LRRTM4: variants seen among roughly 807,000 people sequenced by gnomAD.
The protein encoded by LRRTM4 is leucine rich repeat transmembrane neuronal 4, also known as leucine-rich repeat transmembrane neuronal protein 4.
In LRRTM4, 25 loss-of-function variants were observed where a neutral mutation model predicts 47.6. That is an observed-to-expected ratio of 0.53 (90% CI 0.38 to 0.73). The LOEUF is 0.73. Ranked by LOEUF, LRRTM4 falls within the 30% of genes least tolerant of loss-of-function variation. The pLI, the probability that LRRTM4 is intolerant of heterozygous loss-of-function variation, is 0.00. For synonymous variants in LRRTM4, 311 were observed against 269.5 expected, an observed-to-expected ratio of 1.15 and a Z score of -1.51; for missense variants, 638 against 713.4, an observed-to-expected ratio of 0.89 and a Z score of 1.20.
chr2:76,775,095 C>G (rs1345397929), intron 3 of LRRTM4, among the ~76,000 whole-genome samples: 1 of 152,152 alleles, frequency 6.6e-6, no homozygotes, highest in Non-Finnish European at 1.5e-5. Flanking sequence ...TATCCATTAT[C>G]TCTTCATGAT....
intron 3 of LRRTM4, among the ~76,000 whole-genome samples, chr2:77,400,060 C>G (rs1673881493): frequency 1.3e-5 from 2 of 151,838 alleles, no homozygotes; most frequent in South Asian, 4.1e-4. Context: ...ACGCTCCCCT[C>G]CACCTCACCA....
At chr2:76,924,252 A>G (rs1466883842) in intron 3 of LRRTM4, among the ~76,000 whole-genome samples, 2 of 152,130 alleles carry the variant, frequency 1.3e-5, no homozygotes, top group Admixed American at 1.3e-4. Context: ...CATAATCATG[A>G]GACTGGAACT....
At chr2:77,163,176 C>T (rs2103813895) in intron 3 of LRRTM4, among the ~76,000 whole-genome samples, 1 of 152,118 alleles carries the variant, frequency 6.6e-6, no homozygotes, top group African/African-American at 2.4e-5. Flanking sequence ...AACTATGTGA[C>T]ACATGCACAA....
At chr2:76,955,247 G>T (rs1477931959) in intron 3 of LRRTM4, among the ~76,000 whole-genome samples, 9 of 151,614 alleles carry the variant, frequency 5.9e-5, no homozygotes, top group Non-Finnish European at 1.2e-4. Context: ...TAACAAAAAA[G>T]TATAAAAATA....
intron 3 of LRRTM4, among the ~76,000 whole-genome samples, chr2:76,918,004 T>C (rs1002571967): frequency 5.3e-5 from 8 of 152,120 alleles, no homozygotes; most frequent in African/African-American, 1.9e-4. Context: ...CAGGCAAAAA[T>C]ATGTCACCCT....
chr2:76,872,158 C>T (rs553713450), intron 3 of LRRTM4, among the ~76,000 whole-genome samples: 13 of 152,234 alleles, frequency 8.5e-5, no homozygotes, highest in Non-Finnish European at 1.9e-4. Context: ...ATTAAAACAG[C>T]AGTGCATAAT....
chr2:76,839,486 T>G (rs539015664), intron 3 of LRRTM4, among the ~76,000 whole-genome samples: 1 of 152,276 alleles, frequency 6.6e-6, no homozygotes, highest in East Asian at 1.9e-4. Flanking sequence ...GCAATATCTT[T>G]TCTTTGTAGC....
chr2:77,207,372 T>TATAC (rs59335400), intron 3 of LRRTM4, among the ~76,000 whole-genome samples: 93 of 131,108 alleles, frequency 7.1e-4, no homozygotes, highest in Admixed American at 2.1e-3. Flanking sequence ...TATATATATA[T>TATAC]ACACACACAC....
intron 3 of LRRTM4, among the ~76,000 whole-genome samples, chr2:77,191,545 A>C (rs932221695): frequency 4.6e-5 from 7 of 151,872 alleles, no homozygotes; most frequent in Non-Finnish European, 4.4e-5. Context: ...AAAAGTCACT[A>C]ATACCAATTA....
At chr2:77,065,385 A>G in intron 3 of LRRTM4, among the ~76,000 whole-genome samples, 1 of 152,188 alleles carries the variant, frequency 6.6e-6, no homozygotes, top group Non-Finnish European at 1.5e-5. Flanking sequence ...TGAAAATTAT[A>G]TTTAAAGTGC....
intron 3 of LRRTM4, among the ~76,000 whole-genome samples, chr2:77,476,038 T>C (rs770565685): frequency 6.6e-6 from 1 of 152,034 alleles, no homozygotes; most frequent in Non-Finnish European, 1.5e-5. Context: ...AAAAAATTAA[T>C]TAGTATATTT....
chr2:77,338,545 C>T (rs1362464178), intron 3 of LRRTM4, among the ~76,000 whole-genome samples: 2 of 151,926 alleles, frequency 1.3e-5, no homozygotes, highest in Non-Finnish European at 2.9e-5. Context: ...AACGAGATAT[C>T]ATCTCATACC....
intron 3 of LRRTM4, among the ~76,000 whole-genome samples, chr2:77,467,737 T>C (rs1279118052): frequency 6.6e-6 from 1 of 152,228 alleles, no homozygotes; most frequent in Non-Finnish European, 1.5e-5. Flanking sequence ...TTAAAAATCA[T>C]ACATTTATAA....
intron 3 of LRRTM4, among the ~76,000 whole-genome samples, chr2:77,327,014 G>A (rs914920570): frequency 2.0e-5 from 3 of 152,138 alleles, no homozygotes; most frequent in Admixed American, 6.5e-5. Flanking sequence ...AAGGTTGTGG[G>A]CAAAAGGATG....
At chr2:76,930,338 G>GCA (rs145473862) in intron 3 of LRRTM4, among the ~76,000 whole-genome samples, 80 of 151,872 alleles carry the variant, frequency 5.3e-4, no homozygotes, top group South Asian at 2.1e-3. Flanking sequence ...ACGCATGCGT[G>GCA]CACACACACA....
chr2:77,125,897 T>C (rs1303072831), intron 3 of LRRTM4, among the ~76,000 whole-genome samples: 2 of 135,954 alleles, frequency 1.5e-5, no homozygotes, highest in Non-Finnish European at 3.1e-5. Flanking sequence ...TGTAAATATA[T>C]ATGCGTTGAA....
chr2:76,852,008 T>C (rs1672012179), intron 3 of LRRTM4, among the ~76,000 whole-genome samples: 1 of 152,110 alleles, frequency 6.6e-6, no homozygotes, highest in Non-Finnish European at 1.5e-5. Flanking sequence ...TGCATGTACA[T>C]TAAAGACTCA....
intron 3 of LRRTM4, among the ~76,000 whole-genome samples, chr2:77,455,111 C>G (rs111620509): frequency 0.049 from 7,520 of 152,144 alleles, 583 homozygotes; most frequent in African/African-American, 0.17. Flanking sequence ...TCTCTTGACC[C>G]TGGGAGGCAG....
At chr2:77,267,438 C>A (rs1676078352) in intron 3 of LRRTM4, among the ~76,000 whole-genome samples, 1 of 152,156 alleles carries the variant, frequency 6.6e-6, no homozygotes, top group Non-Finnish European at 1.5e-5. Flanking sequence ...GAGGGAAACA[C>A]TATTCCCCAC....
Sources: allele counts gnomAD v4.1 joint callset (sites outside exome capture counted in the v4.1 genomes callset), GRCh38; gene constraint gnomAD v4.1.1; transcripts MANE v1.5; gene names NCBI Gene and HGNC (gene_info 2026-07-23, HGNC 2026-07-21).